ELMO1: variants seen among roughly 807,000 people sequenced by gnomAD.
ELMO1 encodes the protein engulfment and cell motility protein 1.
Under a neutral mutation model 98.9 loss-of-function variants are expected in ELMO1, and 26 were observed. The ratio of observed to expected loss-of-function variants is 0.26; its 90% CI spans 0.19 to 0.36. ELMO1 has a LOEUF of 0.36. Ranked by LOEUF, ELMO1 falls within the 10% of genes least tolerant of loss-of-function variation. ELMO1 has a pLI of 1.00. For synonymous variants in ELMO1, 346 were observed against 346.0 expected, an observed-to-expected ratio of 1.00 and a Z score of 0.00; for missense variants, 627 against 935.2, an observed-to-expected ratio of 0.67 and a Z score of 4.30.
chr7:37,169,697 C>T (rs757627043), intron 13 of ELMO1, among the ~76,000 whole-genome samples: 7 of 152,000 alleles, frequency 4.6e-5, no homozygotes, highest in Admixed American at 1.3e-4. Context: ...GGTCACGTGC[C>T]GACATCATCA....
At chr7:37,444,061 T>C (rs1249028481) in intron 1 of ELMO1, among the ~76,000 whole-genome samples, 1 of 152,158 alleles carries the variant, frequency 6.6e-6, no homozygotes, top group Non-Finnish European at 1.5e-5. Context: ...CATGCCATCA[T>C]ACCCAGCTAA....
chr7:37,031,764 C>T (rs1392842136), intron 15 of ELMO1, among the ~76,000 whole-genome samples: 1 of 152,164 alleles, frequency 6.6e-6, no homozygotes, highest in Non-Finnish European at 1.5e-5. Context: ...GTGAAGCAGG[C>T]CTTACCCAAT....
intron 15 of ELMO1, among the ~76,000 whole-genome samples, chr7:37,047,701 T>A (rs1795874861): frequency 6.6e-6 from 1 of 152,188 alleles, no homozygotes; most frequent in South Asian, 2.1e-4. Flanking sequence ...AGACTGTGTA[T>A]GCATTGGAAA....
chr7:37,411,058 G>A (rs182441657), intron 1 of ELMO1, among the ~76,000 whole-genome samples: 6 of 152,334 alleles, frequency 3.9e-5, no homozygotes, highest in African/African-American at 9.6e-5. Context: ...AGCAAGAACA[G>A]GAAGTAGGAA....
chr7:37,045,957 C>T (rs1316199461), intron 15 of ELMO1, among the ~76,000 whole-genome samples: 2 of 152,164 alleles, frequency 1.3e-5, no homozygotes, highest in East Asian at 1.9e-4. Flanking sequence ...CTGCAAATCC[C>T]GTGATTGCTC....
At chr7:36,872,896 A>C (rs546829791) in intron 19 of ELMO1, among the ~76,000 whole-genome samples, 40 of 152,324 alleles carry the variant, frequency 2.6e-4, no homozygotes, top group Non-Finnish European at 5.6e-4. Context: ...AACTAGAGAC[A>C]GTGTCCACAA....
intron 20 of ELMO1, among the ~76,000 whole-genome samples, chr7:36,866,503 T>C (rs923816362): frequency 2.0e-5 from 3 of 152,180 alleles, no homozygotes; most frequent in Admixed American, 6.5e-5. Context: ...GCCTCTGCAA[T>C]AGACACCTCA....
At chr7:37,285,219 A>G (rs1035812012) in intron 4 of ELMO1, among the ~76,000 whole-genome samples, 1 of 152,324 alleles carries the variant, frequency 6.6e-6, no homozygotes, top group Admixed American at 6.5e-5. Flanking sequence ...TAGTTCCTCA[A>G]CTGCCCACTC....
At chr7:37,217,253 C>A (rs1793340444) in intron 10 of ELMO1, among the ~76,000 whole-genome samples, 1 of 152,118 alleles carries the variant, frequency 6.6e-6, no homozygotes, top group Admixed American at 6.5e-5. Context: ...CTCTGCAAGG[C>A]CTGATTTCTG....
At chr7:36,938,096 A>G (rs1786705903) in intron 16 of ELMO1, among the ~76,000 whole-genome samples, 1 of 152,242 alleles carries the variant, frequency 6.6e-6, no homozygotes, top group Non-Finnish European at 1.5e-5. Flanking sequence ...ACTGCTGCCC[A>G]GGCTGACACT....
intron 13 of ELMO1, among the ~76,000 whole-genome samples, chr7:37,193,234 G>A (rs546124975): frequency 6.6e-6 from 1 of 151,922 alleles, no homozygotes; most frequent in South Asian, 2.1e-4. Context: ...TTCTTGGTGA[G>A]GGGGGAGGCT....
At chr7:37,396,622 T>C (rs899004632) in intron 1 of ELMO1, among the ~76,000 whole-genome samples, 5 of 152,182 alleles carry the variant, frequency 3.3e-5, no homozygotes, top group African/African-American at 7.2e-5. Context: ...TAGGTATTCA[T>C]TTACCCTTAT....
chr7:37,186,412 T>C (rs1224244638), intron 13 of ELMO1, among the ~76,000 whole-genome samples: 5 of 152,180 alleles, frequency 3.3e-5, no homozygotes, highest in African/African-American at 1.2e-4. Flanking sequence ...ATTTCTTAGT[T>C]ATGACACCAA....
chr7:37,348,655 C>T (rs538523406), intron 1 of ELMO1, among the ~76,000 whole-genome samples: 5 of 152,108 alleles, frequency 3.3e-5, no homozygotes, highest in East Asian at 3.9e-4. Flanking sequence ...TAAATGTCTC[C>T]GTAGGTTGGG....
rs991603807 is a variant in ELMO1 at position 36,942,550 on chromosome 7, G to A, written c.1438-47533C>T. Among the ~76,000 whole-genome samples, 15 of 152,328 alleles carry A rather than the reference G, an allele frequency of 9.8e-5. 1 individual carries two copies. Among genetic ancestry groups the A allele is most frequent in the Middle Eastern group, 3.4e-3 (1 of 294 alleles). On this transcript the variant is annotated intron_variant, in intron 16 of 21. Coordinates refer to ENST00000310758, the MANE Select transcript of ELMO1 (RefSeq NM_014800.11). ...TGACATGGATGGGGATTTCAGGAGG[G>A]AAATGAAGAGGACGTTTTCTTTGGC... is the stretch of plus-strand genomic sequence containing the variant.
chr7:37,321,586 G>A (rs1350124963), intron 2 of ELMO1, among the ~76,000 whole-genome samples: 7 of 151,340 alleles, frequency 4.6e-5, no homozygotes, highest in Admixed American at 6.6e-5. Context: ...GCGTGGTGGC[G>A]GGCGCCTGTA....
chr7:37,268,368 C>G (rs1466746138), intron 5 of ELMO1, among the ~76,000 whole-genome samples: 2 of 152,208 alleles, frequency 1.3e-5, no homozygotes, highest in Non-Finnish European at 2.9e-5. Context: ...GTGGCATGAT[C>G]TCAGCTCACT....
chr7:36,954,027 C>A (rs1341584518), intron 16 of ELMO1, among the ~76,000 whole-genome samples: 2 of 152,148 alleles, frequency 1.3e-5, no homozygotes, highest in Non-Finnish European at 2.9e-5. Context: ...CAACTCCATG[C>A]CTACAACTTG....
At chr7:37,105,269 A>G (rs1784882094) in intron 14 of ELMO1, among the ~76,000 whole-genome samples, 2 of 152,194 alleles carry the variant, frequency 1.3e-5, no homozygotes, top group Admixed American at 1.3e-4. Flanking sequence ...TTGTGCCTAC[A>G]CAGTAATCAC....
Sources: allele counts gnomAD v4.1 joint callset (sites outside exome capture counted in the v4.1 genomes callset), GRCh38; gene constraint gnomAD v4.1.1; transcripts MANE v1.5; gene names NCBI Gene and HGNC (gene_info 2026-07-23, HGNC 2026-07-21).